Variants in DIS3L2 observed in about 807,000 individuals in gnomAD.
The protein encoded by DIS3L2 is DIS3 like 3'-5' exoribonuclease 2, also known as DIS3-like exonuclease 2.
In DIS3L2, 34 loss-of-function variants were observed where a neutral mutation model predicts 97.5. That is an observed-to-expected ratio of 0.35 (90% CI 0.27 to 0.46). The LOEUF is 0.46. DIS3L2 is among the 20% of genes least tolerant of loss of function. The probability of loss-of-function intolerance (pLI) is 1.00; values close to 1 mark genes in which losing one functional copy is unlikely to be tolerated. For synonymous variants in DIS3L2, 435 were observed against 445.2 expected, an observed-to-expected ratio of 0.98 and a Z score of 0.29; for missense variants, 1,038 against 1,146.0, an observed-to-expected ratio of 0.91 and a Z score of 1.36.
intron 14 of DIS3L2, among the ~76,000 whole-genome samples, chr2:232,313,760 T>C (rs1038765401): frequency 1.1e-4 from 16 of 152,186 alleles, no homozygotes; most frequent in African/African-American, 3.9e-4. Flanking sequence ...AAGAAAGAGG[T>C]TTGTTGGACT....
chr2:232,080,264 C>G (rs2106298635), intron 5 of DIS3L2, among the ~76,000 whole-genome samples: 1 of 152,144 alleles, frequency 6.6e-6, no homozygotes, highest in African/African-American at 2.4e-5. Context: ...AGAGAGTGTG[C>G]TGGGTGAGGA....
chr2:232,154,787 C>T (rs1044926293), intron 8 of DIS3L2, among the ~76,000 whole-genome samples: 18 of 145,680 alleles, frequency 1.2e-4, no homozygotes, highest in Middle Eastern at 3.5e-3. Flanking sequence ...CAATGGCGGG[C>T]GCCCCTCCCC....
Position 231,974,116 on chromosome 2 carries a change from A to G in DIS3L2, c.-94+12351A>G, listed in dbSNP as rs1200216901. 2.0e-5 allele frequency among the ~76,000 whole-genome samples: 3 copies of G among 152,192 alleles called. 1 individual carries two copies. Among genetic ancestry groups the G allele is most frequent in the African/African-American group, 4.8e-5 (2 of 41,434 alleles). On this transcript the variant is annotated intron_variant, in intron 1 of 20. Transcript: ENST00000325385. ...TGTTACTTTTCATTATCTCAAGAAT[A>G]TCTTCCTTTGAAGTCTGTGAGGGTG... is the stretch of plus-strand genomic sequence containing the variant.
chr2:232,342,224 T>TACATATATACACATAC (rs1200312028), intron 13 of DIS3L2, among the ~76,000 whole-genome samples: 4 of 148,512 alleles, frequency 2.7e-5, no homozygotes, highest in Non-Finnish European at 5.9e-5. Flanking sequence ...TATATACACA[T>TACATATATACACATAC]ACATATATAC....
At chr2:232,267,547 A>G (rs1559183483) in intron 13 of DIS3L2, among the ~76,000 whole-genome samples, 2 of 152,206 alleles carry the variant, frequency 1.3e-5, no homozygotes, top group African/African-American at 4.8e-5. Context: ...TATTTATAAC[A>G]TATGTCTCTC....
rs922380023 is a variant in DIS3L2, at chr2:232,274,545, G to T, written c.1659+11105G>T. 2.6e-5 allele frequency among the ~76,000 whole-genome samples: 4 copies of T among 152,126 alleles called. 1 individual carries two copies. Among genetic ancestry groups the T allele is most frequent in the African/African-American group, 9.7e-5 (4 of 41,420 alleles). ...TCGGTTTTCATTGTTCAGTGAGCTGGGGCTCTGCTGCGAAGGCCAGAATCC... is the reference window on the plus strand; with the variant it reads ...TCGGTTTTCATTGTTCAGTGAGCTGTGGCTCTGCTGCGAAGGCCAGAATCC... On this transcript the variant is annotated intron_variant, in intron 13 of 20. Coordinates refer to ENST00000325385, the MANE Select transcript of DIS3L2 (RefSeq NM_152383.5).
intron 9 of DIS3L2, among the ~76,000 whole-genome samples, chr2:232,166,833 C>T (rs1376223176): frequency 1.3e-5 from 2 of 152,078 alleles, no homozygotes; most frequent in Non-Finnish European, 2.9e-5. Context: ...CCAGCGTGGC[C>T]AACATGGTGA....
chr2:232,112,021 G>A (rs1365300056), intron 6 of DIS3L2, among the ~76,000 whole-genome samples: 1 of 152,186 alleles, frequency 6.6e-6, no homozygotes, highest in African/African-American at 2.4e-5. Flanking sequence ...GTGTAAGTCA[G>A]TTGGAGTTGA....
At chr2:231,968,538 A>G (rs1692795967) in intron 1 of DIS3L2, among the ~76,000 whole-genome samples, 1 of 152,226 alleles carries the variant, frequency 6.6e-6, no homozygotes, top group East Asian at 1.9e-4. Flanking sequence ...GTGTATTAGT[A>G]GCTGATTCCT....
chr2:232,214,166 T>C (rs972978759), intron 10 of DIS3L2, among the ~76,000 whole-genome samples: 9 of 152,212 alleles, frequency 5.9e-5, no homozygotes, highest in African/African-American at 2.2e-4. Context: ...AGTGTTTTAT[T>C]ATTGTACAGA....
chr2:232,275,229 C>T (rs1441971834), intron 13 of DIS3L2, among the ~76,000 whole-genome samples: 1 of 152,200 alleles, frequency 6.6e-6, no homozygotes, highest in Non-Finnish European at 1.5e-5. Context: ...ACACCATCAG[C>T]TTTCATTCGT....
chr2:232,074,639 C>T (rs1293939326), intron 5 of DIS3L2, among the ~76,000 whole-genome samples: 1 of 143,134 alleles, frequency 7.0e-6, no homozygotes, highest in Non-Finnish European at 1.5e-5. Context: ...ACCACGTGAG[C>T]AGTGACACAA....
chr2:232,260,308 A>C (rs777081946), intron 12 of DIS3L2: 2 of 152,290 alleles, frequency 1.3e-5, no homozygotes, highest in Admixed American at 6.5e-5. Flanking sequence ...TGGCCCTGTC[A>C]TTCCAGAGGA....
intron 1 of DIS3L2, among the ~76,000 whole-genome samples, chr2:232,005,170 A>ATTTTTTTTTTTTTTTTTTTTTTTT (rs55757645): frequency 7.9e-6 from 1 of 126,560 alleles, no homozygotes; most frequent in Non-Finnish European, 1.6e-5. Flanking sequence ...AAGAATCTTG[A>ATTTTTTTTTTTTTTTTTTTTTTTT]TTTTTTTTTT....
chr2:232,055,872 A>G (rs1224970158), intron 5 of DIS3L2, among the ~76,000 whole-genome samples: 2 of 152,222 alleles, frequency 1.3e-5, no homozygotes, highest in Non-Finnish European at 2.9e-5. Context: ...GGAGGAAAGA[A>G]TGCTCTTTTC....
At chr2:232,082,763 A>T (rs1328034712) in intron 5 of DIS3L2, among the ~76,000 whole-genome samples, 1 of 152,204 alleles carries the variant, frequency 6.6e-6, no homozygotes, top group Non-Finnish European at 1.5e-5. Flanking sequence ...TTAGTTTTTG[A>T]ATATGCTCTA....
chr2:232,176,926 G>A (rs1387575598), intron 9 of DIS3L2, among the ~76,000 whole-genome samples: 3 of 146,916 alleles, frequency 2.0e-5, no homozygotes, highest in Non-Finnish European at 4.5e-5. Context: ...TCTAGCATTA[G>A]GTATATCTCC....
chr2:232,022,955 A>T (rs1694560286), intron 3 of DIS3L2: 1 of 152,194 alleles, frequency 6.6e-6, no homozygotes, highest in Non-Finnish European at 1.5e-5. Flanking sequence ...CTTCTGTGCT[A>T]GGCAGAGTTA....
intron 11 of DIS3L2, among the ~76,000 whole-genome samples, chr2:232,245,306 C>T (rs1002938063): frequency 7.2e-5 from 11 of 152,162 alleles, no homozygotes; most frequent in Admixed American, 6.5e-5. Context: ...AGGTGGGTCT[C>T]CCCCTGACAT....
Sources: allele counts gnomAD v4.1 joint callset (sites outside exome capture counted in the v4.1 genomes callset), GRCh38; gene constraint gnomAD v4.1.1; transcripts MANE v1.5; gene names NCBI Gene and HGNC (gene_info 2026-07-23, HGNC 2026-07-21).